The following MYOCD variants were observed in gnomAD, a reference collection of about 807,000 sequenced individuals.
The protein encoded by MYOCD is myocardin.
MYOCD carries 32 observed loss-of-function variants against 96.1 expected under a neutral mutation model. That is an observed-to-expected ratio of 0.33 (90% CI 0.25 to 0.45). The LOEUF is 0.45. MYOCD is among the 20% of genes least tolerant of loss of function. MYOCD has a pLI of 1.00. For synonymous variants in MYOCD, 469 were observed against 469.0 expected (o/e 1.00, Z 0.00); for missense variants, 1,133 against 1,200.6 (o/e 0.94, Z 0.83).
At chr17:12,678,481 C>T (rs1910238297) in intron 1 of MYOCD, among the ~76,000 whole-genome samples, 1 of 151,848 alleles carries the variant, frequency 6.6e-6, no homozygotes. Flanking sequence ...CATGGCTGAG[C>T]CCAGATCCTC....
chr17:12,678,035 G>A (rs1429990800), intron 1 of MYOCD, among the ~76,000 whole-genome samples: 1 of 151,290 alleles, frequency 6.6e-6, no homozygotes, highest in Non-Finnish European at 1.5e-5. Context: ...TGGGACTGCA[G>A]GCGTGCACCA....
At position 12,752,986 on chromosome 17, in the gene MYOCD, G is replaced by T. The variant is rs1597809352; in HGVS notation, c.1698G>T (p.Leu566=). ...CAGAGAAGAAGCCGCTGCCTTTCCT[G>T]GCTGCCTCCATCAAGCAGGAAGAGG... The part of the protein sequence containing the change: ...NCSEKKPLPF[L]AASIKQEEAV... The change falls in exon 10 of 14, where the codon CTG becomes CTT. Residue 566 remains leucine, a synonymous_variant. Transcript: ENST00000425538. 1.2e-6 allele frequency: 2 copies of T among 1,614,174 alleles called. No individual in the cohort carries two copies. Among genetic ancestry groups the T allele is most frequent in the Non-Finnish European group, 8.5e-7 (1 of 1,180,040 alleles).
chr17:12,741,696 C>T lies in MYOCD; in HGVS notation c.717+2368C>T, dbSNP rs574610411. On this transcript the variant is annotated intron_variant, in intron 7 of 13. Transcript: ENST00000425538. Reference sequence around the variant, plus strand: ...CTGCACTCTAGCCTGGTCGACAGAGCGAGACTCTGTATATATATATAAAAA... The same window carrying T: ...CTGCACTCTAGCCTGGTCGACAGAGTGAGACTCTGTATATATATATAAAAA... Among the ~76,000 whole-genome samples the T allele has an allele frequency of 2.9e-4, 39 of 135,162 alleles. No individual in the cohort carries two copies. The East Asian group carries it at 6.9e-3, about 24-fold the overall frequency. The allele number at this position is 135,162 out of a possible 152,430, so 88.7% of individuals were successfully genotyped here.
At chr17:12,757,953 T>C (rs1276392400) in intron 11 of MYOCD, 132 bp from the exon 12 acceptor site, 1 of 695,118 alleles carries the variant, frequency 1.4e-6, no homozygotes, top group Non-Finnish European at 2.5e-6. Flanking sequence ...GGAGTTATTT[T>C]CTAAGCCCTG....
At chr17:12,672,263 G>A (rs947237139) in intron 1 of MYOCD, 1 of 152,208 alleles carries the variant, frequency 6.6e-6, no homozygotes, top group Non-Finnish European at 1.5e-5. Context: ...TGGCATGTGA[G>A]TTGCATAAGA....
Position 12,736,185 on chromosome 17 carries a change from C to T in MYOCD, c.440C>T (p.Ser147Phe). The T allele has an allele frequency of 6.2e-7, 1 of 1,614,108 alleles. No individual in the cohort carries two copies. Among genetic ancestry groups the T allele is most frequent in the Admixed American group, 1.7e-5 (1 of 60,012 alleles). ...IKGNQVSFSK[S>F]TDAFAFEEDS... ...GGTAACCAGGTGAGTTTCTCCAAAT[C>T]CACGGATGCTTTTGCCTTTGAAGAG... is the stretch of plus-strand genomic sequence containing the variant. The change falls in exon 6 of 14, where the codon TCC becomes TTC. Residue 147 changes from serine (S) to phenylalanine (F), a missense_variant. Coordinates refer to ENST00000425538, the MANE Select transcript of MYOCD (RefSeq NM_001146312.3).
At chr17:12,739,020 TACAC>T (rs923166147) in intron 6 of MYOCD, among the ~76,000 whole-genome samples, 179 bp from the exon 7 acceptor site, 5 of 152,200 alleles carry the variant, frequency 3.3e-5, no homozygotes, top group African/African-American at 1.2e-4. Flanking sequence ...TACATATATA[TACAC>T]ACACACATAT....
chr17:12,758,996 C>T (rs931670321), intron 12 of MYOCD, among the ~76,000 whole-genome samples: 2 of 151,556 alleles, frequency 1.3e-5, no homozygotes, highest in African/African-American at 4.9e-5. Flanking sequence ...TGCAGTGAGC[C>T]GAGTTTGTAG....
intron 4 of MYOCD, among the ~76,000 whole-genome samples, chr17:12,720,751 G>T (rs552694298): frequency 2.0e-5 from 3 of 152,278 alleles, no homozygotes; most frequent in East Asian, 1.9e-4. Flanking sequence ...GCCAGGTGCG[G>T]TGGCTCACGC....
intron 4 of MYOCD, among the ~76,000 whole-genome samples, chr17:12,718,346 G>C (rs2150685818): frequency 6.6e-6 from 1 of 152,290 alleles, no homozygotes; most frequent in East Asian, 1.9e-4. Flanking sequence ...GAGGAGTGAG[G>C]AAATGGGCTG....
intron 13 of MYOCD, chr17:12,761,538 T>C (rs909299311): frequency 6.6e-6 from 1 of 151,950 alleles, no homozygotes; most frequent in African/African-American, 2.4e-5. Flanking sequence ...AACATATGTA[T>C]GTAAATGAGT....
chr17:12,746,700 G>A (rs2032673336), intron 9 of MYOCD, among the ~76,000 whole-genome samples: 1 of 150,692 alleles, frequency 6.6e-6, no homozygotes, highest in Non-Finnish European at 1.5e-5. Flanking sequence ...ATAGGTATAA[G>A]GAGATGATGA....
At chr17:12,741,115 G>T (rs2032493318) in intron 7 of MYOCD, among the ~76,000 whole-genome samples, 1 of 152,126 alleles carries the variant, frequency 6.6e-6, no homozygotes, top group African/African-American at 2.4e-5. Context: ...ATGTTAAAAT[G>T]ACTCTTACGG....
At chr17:12,685,536 G>A (rs767290170) in intron 1 of MYOCD, among the ~76,000 whole-genome samples, 2 of 151,966 alleles carry the variant, frequency 1.3e-5, no homozygotes, top group African/African-American at 2.4e-5. Context: ...AACCCAGGAG[G>A]CGGAGGTTGC....
chr17:12,697,359 A>ATATATATATATATATTTTTTTTTTTT (rs1427225443), intron 1 of MYOCD, among the ~76,000 whole-genome samples: 1 of 75,736 alleles, frequency 1.3e-5, no homozygotes, highest in African/African-American at 6.0e-5. Flanking sequence ...ATATATATAT[A>ATATATATATATATATTTTTTTTTTTT]TTTTTTTTTT....
chr17:12,732,088 C>G (rs1476540425), intron 5 of MYOCD, among the ~76,000 whole-genome samples: 1 of 152,102 alleles, frequency 6.6e-6, no homozygotes, highest in East Asian at 1.9e-4. Context: ...TTTTAGATAC[C>G]GGAGAGGAGT....
chr17:12,684,340 C>T (rs376737829), intron 1 of MYOCD, among the ~76,000 whole-genome samples: 9 of 152,232 alleles, frequency 5.9e-5, no homozygotes, highest in South Asian at 2.1e-4. Flanking sequence ...AAAAACATGC[C>T]GGTGTAGCCC....
chr17:12,738,562 G>GCA (rs891638597), intron 6 of MYOCD, among the ~76,000 whole-genome samples: 2 of 151,582 alleles, frequency 1.3e-5, no homozygotes, highest in Admixed American at 6.6e-5. Flanking sequence ...CACCTAACAT[G>GCA]CACACACACA....
At chr17:12,755,244 C>A (rs2032977967) in intron 10 of MYOCD, among the ~76,000 whole-genome samples, 1 of 152,190 alleles carries the variant, frequency 6.6e-6, no homozygotes, top group Non-Finnish European at 1.5e-5. Context: ...ACTGATGATA[C>A]TGCTGCTAAC....
Sources: gnomAD v4.1 joint callset for allele counts (sites outside exome capture counted in the v4.1 genomes callset) on GRCh38, gnomAD v4.1.1 for gene constraint, MANE v1.5 for transcripts, NCBI Gene and HGNC (gene_info 2026-07-23, HGNC 2026-07-21) for gene names.